ATP1A3: variants seen among roughly 807,000 people sequenced by gnomAD.
The protein encoded by ATP1A3 is ATPase Na+/K+ transporting subunit alpha 3, also known as sodium/potassium-transporting ATPase subunit alpha-3.
In ATP1A3, 12 loss-of-function variants were observed where a neutral mutation model predicts 108.8. The observed-to-expected ratio is 0.11, with a 90% confidence interval of 0.07 to 0.18. ATP1A3 has a LOEUF of 0.18. Among genes scored for constraint, ATP1A3 ranks in the 10% least tolerant of loss-of-function variants. The pLI is 1.00. For missense variants in ATP1A3, 498 were observed against 1,387.7 expected, an observed-to-expected ratio of 0.36 and a Z score of 10.19; for synonymous variants, 539 against 564.5, an observed-to-expected ratio of 0.95 and a Z score of 0.64.
In ATP1A3 at chr19:41,978,555, C is replaced by T. The variant is rs1555862250; in HGVS notation, c.1630+51G>A. 1.2e-6 allele frequency: 2 copies of T among 1,606,418 alleles called. No individual in the cohort carries two copies. Among genetic ancestry groups the T allele is most frequent in the Middle Eastern group, 1.9e-4 (1 of 5,354 alleles). Reference sequence around the variant, plus strand: ...CTGAGACAGGCTTTGGGCAGCATCACAACCCTCCTTGCCCTCCAGGGACCC... The same window carrying T: ...CTGAGACAGGCTTTGGGCAGCATCATAACCCTCCTTGCCCTCCAGGGACCC... On this transcript the variant is annotated intron_variant, in intron 12 of 22. Coordinates refer to ENST00000648268, the MANE Select transcript of ATP1A3 (RefSeq NM_152296.5). This position sits in a 1 kb window ranked among gnomAD's most constrained non-coding sequence, Gnocchi z 8.3.
chr19:41,983,329 C>T (rs182608645), intron 8 of ATP1A3, among the ~76,000 whole-genome samples: 41 of 151,998 alleles, frequency 2.7e-4, no homozygotes, highest in African/African-American at 8.0e-4. Context: ...CCACCCACCT[C>T]GGATTCCCAA....
chr19:41,990,658 T>C (rs111212166), intron 1 of ATP1A3, among the ~76,000 whole-genome samples: 112 of 130,586 alleles, frequency 8.6e-4, no homozygotes, highest in African/African-American at 3.2e-3. Context: ...CTCTCTCTCT[T>C]TCTCTCTCTC....
chr19:41,978,742 C>G lies in ATP1A3; in HGVS notation c.1494G>C (p.Lys498Asn). ...PNDNRYLLVM[K>N]GAPERILDRC... ...GGTCCAGGATGCGCTCGGGGGCACC[C>G]TTCATCACCAGCAGGTATCGGTTGT... Residue 498 changes from lysine to asparagine, a missense_variant, in exon 12 of 23, where the codon AAG (lysine) becomes AAC (asparagine). Lys to Asn is a moderately conservative substitution (Grantham distance 94). This residue lies in a region of ATP1A3 where 92 missense variants were observed against 168.7 expected (regional missense o/e 0.55). Coordinates refer to ENST00000648268, the MANE Select transcript of ATP1A3 (RefSeq NM_152296.5). This position sits in a 1 kb window ranked among gnomAD's most constrained non-coding sequence, Gnocchi z 8.3. The G allele has an allele frequency of 6.2e-7, 1 of 1,614,088 alleles. No homozygotes were observed. Among genetic ancestry groups the G allele is most frequent in the South Asian group, 1.1e-5 (1 of 91,086 alleles).
At chr19:41,969,066 C>A in intron 19 of ATP1A3, 151 bp from the exon 20 acceptor site, 2 of 1,207,844 alleles carry the variant, frequency 1.7e-6, no homozygotes, top group South Asian at 1.3e-5. Flanking sequence ...GCTCATAGTC[C>A]CGAGGGAGGA....
At position 41,988,069 on chromosome 19, in the gene ATP1A3, G is replaced by A; in HGVS notation, c.224C>T (p.Thr75Ile). 1 of 1,614,152 alleles carries A rather than the reference G, an allele frequency of 6.2e-7. No homozygotes were observed. The highest frequency in any genetic ancestry group is 8.5e-7 in the Non-Finnish European group (1 of 1,180,010). ...DGPNALTPPP[T>I]TPEWVKFCRQ... ...GCAAAACTTGACCCACTCTGGGGTG[G>A]TAGGCGGTGGCGTGAGTGCGTTAGG... is the stretch of plus-strand genomic sequence containing the variant. Residue 75 changes from threonine (T) to isoleucine (I), a missense_variant, in exon 4 of 23, where the codon ACC becomes ATC. Physicochemically the swap from Thr to Ile is moderately conservative, Grantham distance 89 (BLOSUM62 -1). Transcript: ENST00000648268. The surrounding 1 kb of genome is among the most constrained non-coding windows in gnomAD (Gnocchi z 5.3).
chr19:41,972,548 C>A lies in ATP1A3; in HGVS notation c.2264-2006G>T, dbSNP rs928168261. Among the ~76,000 whole-genome samples the A allele has an allele frequency of 3.9e-5, 6 of 151,968 alleles. No homozygotes were observed. The East Asian group carries it at 1.2e-3, about 30-fold the overall frequency. On this transcript the variant is annotated intron_variant, in intron 16 of 22. Transcript: ENST00000648268. ...TTGGGAGGCTGAGGCGGGTGGATCA[C>A]GAGGTCAGGAGATCGAGACTATCCT...
At chr19:41,990,013 G>A (rs1379906196) in intron 1 of ATP1A3, among the ~76,000 whole-genome samples, 1 of 152,072 alleles carries the variant, frequency 6.6e-6, no homozygotes, top group African/African-American at 2.4e-5. Flanking sequence ...CTGAGTTTCT[G>A]TCTCTCTGGG....
Position 41,994,062 on chromosome 19 carries a change from A to G in ATP1A3, c.6+9T>C, listed in dbSNP as rs1487986834. 4 of 1,607,672 alleles carry G rather than the reference A, an allele frequency of 2.5e-6. No individual in the cohort carries two copies. The African/African-American group carries it at 4.0e-5, about 16-fold the overall frequency. ...CACGGAAGCGGCGCCCAGCCGGCTC[A>G]GCACCTACCCCCATCTTGGCGGCTC... On this transcript the variant is annotated intron_variant, in intron 1 of 22. Transcript: ENST00000648268.
chr19:41,994,227 G>A lies in ATP1A3; in HGVS notation c.-151C>T. The A allele has an allele frequency of 1.4e-6, 1 of 690,742 alleles. No homozygotes were observed. The highest frequency in any genetic ancestry group is 2.7e-5 in the South Asian group (1 of 37,480). The allele number at this position is 690,742 out of a possible 1,614,324, so 42.8% of individuals were successfully genotyped here. A position where few individuals can be genotyped will look rare whatever the true frequency, so the allele number is the denominator to read the frequency against. On this transcript the variant is annotated 5_prime_UTR_variant, in exon 1 of 23. Transcript: ENST00000648268. ...CCGTCCGTTGGTCCCACCGCACAGAGGCTGCGGCGGCCGCCGCCTCCGCCT... is the reference window on the plus strand; with the variant it reads ...CCGTCCGTTGGTCCCACCGCACAGAAGCTGCGGCGGCCGCCGCCTCCGCCT...
Position 41,986,017 on chromosome 19 carries a change from A to T in ATP1A3, c.472-19T>A, listed in dbSNP as rs889995553. The T allele has an allele frequency of 5.6e-6, 9 of 1,613,896 alleles. No individual in the cohort carries two copies. The African/African-American group carries it at 1.2e-4, about 22-fold the overall frequency. ...GGGCTTGCTGAGGTGGGATGGAGTA[A>T]TGTCACCTCCCAGACTCCCTCTGCC... On this transcript the variant is annotated intron_variant, in intron 5 of 22. Transcript: ENST00000648268.
chr19:41,975,276 C>T (rs1300590894), intron 16 of ATP1A3, among the ~76,000 whole-genome samples: 1 of 152,212 alleles, frequency 6.6e-6, no homozygotes, highest in African/African-American at 2.4e-5. Context: ...TGGTCTCGAT[C>T]TTCTGACCTC....
rs1382406261 is a variant in ATP1A3 at position 41,968,224 on chromosome 19, C to T, written c.2820-461G>A. On this transcript the variant is annotated intron_variant, in intron 20 of 22. Transcript: ENST00000648268. This position sits in a 1 kb window ranked among gnomAD's most constrained non-coding sequence, Gnocchi z 5.0. ...GAGAAAATCAGTGCAGTGGCAAAAC[C>T]CAAAATGGGCTGGGCATGGTGGCTC... 6.6e-6 allele frequency among the ~76,000 whole-genome samples: 1 copy of T among 152,086 alleles called. No individual in the cohort carries two copies. The highest frequency in any genetic ancestry group is 1.5e-5 in the Non-Finnish European group (1 of 68,016).
chr19:41,984,891 C>G, intron 8 of ATP1A3, 27 bp downstream of exon 8: 1 of 1,602,656 alleles, frequency 6.2e-7, no homozygotes, highest in Non-Finnish European at 8.5e-7. Context: ...AGGCCCTCCC[C>G]ACCCAGACCC....
At position 41,978,842 on chromosome 19, in the gene ATP1A3, C is replaced by T; in HGVS notation, c.1438-44G>A. ...GTGGCGTGCCTGAGCCACGCAGACA[C>T]CAGGAAGCTCCCTGCCCCATCCTGT... On this transcript the variant is annotated intron_variant, in intron 11 of 22. Transcript: ENST00000648268. The surrounding 1 kb of genome is among the most constrained non-coding windows in gnomAD (Gnocchi z 8.3). 1 of 1,602,836 alleles carries T rather than the reference C, an allele frequency of 6.2e-7. No homozygotes were observed. The highest frequency in any genetic ancestry group is 8.5e-7 in the Non-Finnish European group (1 of 1,171,466).
intron 4 of ATP1A3, among the ~76,000 whole-genome samples, chr19:41,987,158 G>T (rs1163587282): frequency 1.3e-5 from 2 of 152,132 alleles, no homozygotes; most frequent in Non-Finnish European, 2.9e-5. Context: ...ATTCTACAAG[G>T]CAGCTTCTTT....
In ATP1A3 at chr19:41,989,994, C is replaced by T. The variant is rs537130772; in HGVS notation, c.7-1432G>A. On this transcript the variant is annotated intron_variant, in intron 1 of 22. Transcript: ENST00000648268. ...TCTCCATCTCTTGGCTGTGTCTCCC[C>T]AGGTCTGGCTGAGTTTCTGTCTCTC... Among the ~76,000 whole-genome samples the T allele has an allele frequency of 3.9e-5, 6 of 152,208 alleles. No individual in the cohort carries two copies. In the South Asian group the frequency reaches 1.2e-3, roughly 32 times the overall value.
At chr19:41,983,766 A>ATTTT (rs556483707) in intron 8 of ATP1A3, among the ~76,000 whole-genome samples, 45 of 101,226 alleles carry the variant, frequency 4.4e-4, no homozygotes, top group African/African-American at 7.6e-4. Flanking sequence ...ATTTAAAAAA[A>ATTTT]TTTTTTTTTT....
rs538733809 is a variant in ATP1A3, at chr19:41,970,798, A to AT, written c.2264-257dup. The stretch of plus-strand genomic sequence containing the variant: ...AGGCACCTGCCACCACGCCCGGCTA[A>AT]TTTTTTTGTATTTTTATTAGAGACG... On this transcript the variant is annotated intron_variant, in intron 16 of 22. Coordinates refer to ENST00000648268, the MANE Select transcript of ATP1A3 (RefSeq NM_152296.5). Among the ~76,000 whole-genome samples the AT allele has an allele frequency of 3.4e-3, 511 of 149,582 alleles. 2 individuals carry two copies. The highest frequency in any genetic ancestry group is 0.024 in the Middle Eastern group (7 of 286).
chr19:41,984,696 C>T, intron 8 of ATP1A3: 1 of 559,574 alleles, frequency 1.8e-6, no homozygotes, highest in Non-Finnish European at 3.1e-6. Flanking sequence ...CTGAGTCAGG[C>T]CCAAGTTGTC....
Sources: gnomAD v4.1 joint callset for allele counts (sites outside exome capture counted in the v4.1 genomes callset) on GRCh38, gnomAD v4.1.1 for gene constraint, gnomAD v4.1.1 regional missense constraint, Gnocchi (gnomAD v3.1) non-coding constraint, MANE v1.5 for transcripts, NCBI Gene and HGNC (gene_info 2026-07-23, HGNC 2026-07-21) for gene names.